The following ZBTB7A variants were observed in gnomAD, a reference collection of about 807,000 sequenced individuals.
ZBTB7A encodes the protein zinc finger and BTB domain containing 7A.
ZBTB7A carries 7 observed loss-of-function variants against 26.7 expected under a neutral mutation model. That is an observed-to-expected ratio of 0.26 (90% CI 0.15 to 0.49). The LOEUF (loss-of-function observed/expected upper bound fraction) is 0.49, where lower values mean the gene tolerates loss of function less well. ZBTB7A is among the 20% of genes least tolerant of loss of function. ZBTB7A has a pLI of 0.98. For synonymous variants in ZBTB7A, 452 were observed against 441.0 expected, an observed-to-expected ratio of 1.02 and a Z score of -0.31; for missense variants, 617 against 919.5, an observed-to-expected ratio of 0.67 and a Z score of 4.25.
chr19:4,061,202 C>A (rs1221387096), intron 1 of ZBTB7A, among the ~76,000 whole-genome samples: 2 of 152,230 alleles, frequency 1.3e-5, no homozygotes, highest in African/African-American at 4.8e-5. Context: ...CTCCTGAATG[C>A]TATTCCGGGA....
chr19:4,052,002 G>A lies in ZBTB7A; in HGVS notation c.1262+1969C>T, dbSNP rs1413690244. Among the ~76,000 whole-genome samples, 5 of 152,126 alleles carry A rather than the reference G, an allele frequency of 3.3e-5. No individual in the cohort carries two copies. Among genetic ancestry groups the A allele is most frequent in the Non-Finnish European group, 7.4e-5 (5 of 68,014 alleles). On this transcript the variant is annotated intron_variant, in intron 2 of 2. Coordinates refer to ENST00000322357, the MANE Select transcript of ZBTB7A (RefSeq NM_015898.4). The surrounding 1 kb of genome is among the most constrained non-coding windows in gnomAD (Gnocchi z 4.9). ...TCGGGCTCCCAGGCTTTTGGAGGGT[G>A]GAGGTGCTGGTGTCCTGGGGAGGGG...
At chr19:4,060,709 C>G (rs895330) in intron 1 of ZBTB7A, among the ~76,000 whole-genome samples, 43,649 of 152,178 alleles carry the variant, frequency 0.29, 8,694 homozygotes, top group African/African-American at 0.57. Context: ...GGAAGGGGGA[C>G]CGGCAGAGAG....
At chr19:4,049,231 T>G (rs2040471343) in intron 2 of ZBTB7A, among the ~76,000 whole-genome samples, 1 of 111,930 alleles carries the variant, frequency 8.9e-6, no homozygotes, top group Non-Finnish European at 1.9e-5. Context: ...AGATGGGGGT[T>G]GAGCTACGTT....
chr19:4,054,749 C>G lies in ZBTB7A; in HGVS notation c.484G>C (p.Glu162Gln). The change falls in exon 2 of 3, where the codon GAG becomes CAG. Residue 162 changes from glutamate to glutamine, a missense_variant. Glu to Gln is a conservative substitution (Grantham distance 29). This residue lies in a region of ZBTB7A where 331 missense variants were observed against 391.3 expected (regional missense o/e 0.85). Coordinates refer to ENST00000322357, the MANE Select transcript of ZBTB7A (RefSeq NM_015898.4). ...RNLLRAKEYL[E>Q]FFQSNPMNSL... ...TTCATGGGGTTGCTCTGGAAGAACT[C>G]GAGGTACTCCTTGGCGCGGAGGAGG... 1 of 1,569,514 alleles carries G rather than the reference C, an allele frequency of 6.4e-7. No homozygotes were observed. The highest frequency in any genetic ancestry group is 1.4e-5 in the African/African-American group (1 of 73,934).
intron 1 of ZBTB7A, among the ~76,000 whole-genome samples, chr19:4,060,285 C>T (rs976109831): frequency 7.2e-5 from 11 of 152,232 alleles, no homozygotes; most frequent in East Asian, 1.9e-4. Context: ...GCCCACGCCC[C>T]GGCCCACCCA....
rs560721320 is a variant in ZBTB7A at position 4,054,987 on chromosome 19, G to A, written c.246C>T (p.Ala82=). 1.6e-5 allele frequency: 26 copies of A among 1,611,992 alleles called. No homozygotes were observed. Among genetic ancestry groups the A allele is most frequent in the African/African-American group, 5.3e-5 (4 of 75,010 alleles). Residue 82 remains alanine, a synonymous_variant, in exon 2 of 3, where the codon GCC becomes GCT. Transcript: ENST00000322357. ...AGTCCATGAGCGCGGTGAGCGCCTC[G>A]GCGCTGACGAAGTCGATCTCGTACA... ...QNVYEIDFVS[A]EALTALMDFA...
At chr19:4,065,527 A>T (rs1488925498) in intron 1 of ZBTB7A, 9 of 144,232 alleles carry the variant, frequency 6.2e-5, no homozygotes, top group Non-Finnish European at 1.1e-4. Context: ...GGGAGGCGGC[A>T]GTGAGCCTGG....
intron 1 of ZBTB7A, among the ~76,000 whole-genome samples, chr19:4,062,995 C>T (rs2040655189): frequency 6.7e-6 from 1 of 148,178 alleles, no homozygotes; most frequent in Admixed American, 6.7e-5. Flanking sequence ...CTGGACCATG[C>T]TCACCCCCAC....
chr19:4,043,730 C>T lies in ZBTB7A; in HGVS notation c.*4022G>A, dbSNP rs2040375757. 8.1e-6 allele frequency among the ~76,000 whole-genome samples: 1 copy of T among 123,144 alleles called. No homozygotes were observed. Among genetic ancestry groups the T allele is most frequent in the Admixed American group, 7.7e-5 (1 of 12,978 alleles). 80.8% of individuals were successfully genotyped at this position (123,144 alleles called of 152,430 possible). A position where few individuals can be genotyped will look rare whatever the true frequency, so the allele number is the denominator to read the frequency against. On this transcript the variant is annotated 3_prime_UTR_variant, in exon 3 of 3. Transcript: ENST00000322357. ...CACCCCCTGGGCCCGGCCCCCCCCC[C>T]CCCCCCCCGTAAATCTATGTATTTA...
At chr19:4,061,327 C>T (rs939258132) in intron 1 of ZBTB7A, among the ~76,000 whole-genome samples, 5 of 152,190 alleles carry the variant, frequency 3.3e-5, no homozygotes, top group Admixed American at 3.3e-4. Context: ...ACACTGTAAG[C>T]CTGGTGTGCA....
chr19:4,055,305 C>T, intron 1 of ZBTB7A, 58 bp from the exon 2 acceptor site: 1 of 1,430,030 alleles, frequency 7.0e-7, no homozygotes, highest in East Asian at 2.5e-5. Context: ...GTTCCTGTGC[C>T]CACTGACAAG....
At chr19:4,058,076 AGCTGAGGTCAAGGCCACC>A (rs2040600542) in intron 1 of ZBTB7A, among the ~76,000 whole-genome samples, 1 of 152,120 alleles carries the variant, frequency 6.6e-6, no homozygotes, top group African/African-American at 2.4e-5. Context: ...GCCGAAACCC[AGCTGAGGTCAAGGCCACC>A]GTGGGTGTGC....
chr19:4,047,833 T>C lies in ZBTB7A; in HGVS notation c.1674A>G (p.Val558=), dbSNP rs758624320. Residue 558 remains valine, a synonymous_variant, in exon 3 of 3, where the codon GTA becomes GTG. Transcript: ENST00000322357. ...TGTCACCTCCTCCACCGGCGCCCGC[T>C]ACATTCAACCGGCCCAAGCCGTCGG... ...ASPDGLGRLN[V]AGAGGGGDSG... The C allele has an allele frequency of 1.9e-6, 3 of 1,605,028 alleles. No individual in the cohort carries two copies. Among genetic ancestry groups the C allele is most frequent in the East Asian group, 4.5e-5 (2 of 44,054 alleles).
chr19:4,049,061 G>A (rs1469855691), intron 2 of ZBTB7A, among the ~76,000 whole-genome samples: 3 of 148,022 alleles, frequency 2.0e-5, no homozygotes, highest in Non-Finnish European at 4.5e-5. Context: ...CTGCAGCCTC[G>A]AACTCCTGGG....
rs1281145630 is a variant in ZBTB7A, at chr19:4,046,073, G to C, written c.*1679C>G. On this transcript the variant is annotated 3_prime_UTR_variant, in exon 3 of 3. Coordinates refer to ENST00000322357, the MANE Select transcript of ZBTB7A (RefSeq NM_015898.4). ...GGGATCGGGGTGCTCCGGCTGGAAG[G>C]CCCATCCCTGAGCTAGGGAGGAGGA... 5.8e-5 allele frequency: 23 copies of C among 398,990 alleles called. No individual in the cohort carries two copies. The highest frequency in any genetic ancestry group is 8.8e-5 in the Non-Finnish European group (20 of 226,148). The allele number at this position is 398,990 out of a possible 1,614,324, so 24.7% of individuals were successfully genotyped here.
rs1037781742 is a variant in ZBTB7A at position 4,047,552 on chromosome 19, G to C, written c.*200C>G. 1 of 432,576 alleles carries C rather than the reference G, an allele frequency of 2.3e-6. No homozygotes were observed. The highest frequency in any genetic ancestry group is 3.5e-6 in the Non-Finnish European group (1 of 285,204). The allele number at this position is 432,576 out of a possible 1,614,324, so 26.8% of individuals were successfully genotyped here. A position where few individuals can be genotyped will look rare whatever the true frequency, so the allele number is the denominator to read the frequency against. The stretch of plus-strand genomic sequence containing the variant: ...CCCCTGCGGAGGGAGAAAAACGTCA[G>C]AAAGGAGGGAAATCTGAGAAAGCGC... On this transcript the variant is annotated 3_prime_UTR_variant, in exon 3 of 3. Coordinates refer to ENST00000322357, the MANE Select transcript of ZBTB7A (RefSeq NM_015898.4).
chr19:4,047,733 T>C lies in ZBTB7A; in HGVS notation c.*19A>G. ...TCTGTCTCTCTCTTTCTCGGGTTTC[T>C]GTTTTCTCTTTTTGGTTTTTAGGCG... On this transcript the variant is annotated 3_prime_UTR_variant, in exon 3 of 3. Transcript: ENST00000322357. 6.3e-7 allele frequency: 1 copy of C among 1,589,252 alleles called. No homozygotes were observed. Among genetic ancestry groups the C allele is most frequent in the Non-Finnish European group, 8.5e-7 (1 of 1,169,622 alleles).
In ZBTB7A at chr19:4,052,342, A is replaced by T. The variant is rs992393225; in HGVS notation, c.1262+1629T>A. On this transcript the variant is annotated intron_variant, in intron 2 of 2. Transcript: ENST00000322357. The surrounding 1 kb of genome is among the most constrained non-coding windows in gnomAD (Gnocchi z 4.9). ...CCCACAGTGACCCCTGCCTGGAGGAAGAGGAGCCCCCCAAGACCTCCAGTA... is the reference window on the plus strand; with the variant it reads ...CCCACAGTGACCCCTGCCTGGAGGATGAGGAGCCCCCCAAGACCTCCAGTA... Among the ~76,000 whole-genome samples the T allele has an allele frequency of 6.6e-5, 10 of 152,194 alleles. No individual in the cohort carries two copies. In the East Asian group the frequency reaches 1.9e-3, roughly 29 times the overall value.
intron 1 of ZBTB7A, among the ~76,000 whole-genome samples, chr19:4,058,903 G>T (rs1426766066): frequency 6.6e-6 from 1 of 152,186 alleles, no homozygotes; most frequent in Admixed American, 6.5e-5. Flanking sequence ...TCCAGCCTCG[G>T]CCCAGGGCCC....
Sources: allele counts gnomAD v4.1 joint callset (sites outside exome capture counted in the v4.1 genomes callset), GRCh38; gene constraint gnomAD v4.1.1; regional missense constraint gnomAD v4.1.1; non-coding constraint Gnocchi (gnomAD v3.1); transcripts MANE v1.5; gene names NCBI Gene and HGNC (gene_info 2026-07-23, HGNC 2026-07-21).